Variants in KLF12 observed in about 807,000 individuals in gnomAD.
KLF12 encodes Krueppel-like factor 12.
In KLF12, 9 loss-of-function variants were observed where a neutral mutation model predicts 37.8. The observed-to-expected ratio is 0.24, with a 90% CI of 0.14 to 0.42. The LOEUF (loss-of-function observed/expected upper bound fraction) is 0.42. Among genes scored for constraint, KLF12 ranks in the 10% least tolerant of loss-of-function variants. The pLI is 1.00. For synonymous variants in KLF12, 208 were observed against 202.1 expected, an observed-to-expected ratio of 1.03 and a Z score of -0.25; for missense variants, 411 against 516.0, an observed-to-expected ratio of 0.80 and a Z score of 1.97.
chr13:74,039,964 C>T (rs1893358019), intron 1 of KLF12, among the ~76,000 whole-genome samples: 1 of 152,208 alleles, frequency 6.6e-6, no homozygotes, highest in African/African-American at 2.4e-5. Flanking sequence ...CGAACACCAA[C>T]TCATGGATGT....
chr13:74,238,548 C>T, the KLF12 span, among the ~76,000 whole-genome samples: 19 of 135,378 alleles, frequency 1.4e-4, no homozygotes, highest in African/African-American at 6.3e-4. Flanking sequence ...TGGTAGAATT[C>T]GGCTGTGAAT....
chr13:74,216,258 A>C, the KLF12 span, among the ~76,000 whole-genome samples: 11 of 152,068 alleles, frequency 7.2e-5, no homozygotes, highest in East Asian at 1.9e-4. Flanking sequence ...TTAAATACCC[A>C]CACACACACA....
In KLF12 at chr13:73,939,368, ATT is replaced by A. The variant is rs375549916; in HGVS notation, c.123+4611_123+4612del. On this transcript the variant is annotated intron_variant, in intron 3 of 7. Transcript: ENST00000377669. ...TACACAAAATTAGGCAGAATAAACT[ATT>A]TTCATTTTTTTGGTTCCATGATTCT... Among the ~76,000 whole-genome samples the A allele has an allele frequency of 1.2e-4, 18 of 152,190 alleles. No individual in the cohort carries two copies. In the East Asian group the frequency reaches 3.3e-3, roughly 28 times the overall value.
intron 5 of KLF12, among the ~76,000 whole-genome samples, chr13:73,805,276 C>T (rs1431470351): frequency 1.3e-5 from 2 of 151,904 alleles, no homozygotes; most frequent in African/African-American, 4.8e-5. Flanking sequence ...ATAATTATTT[C>T]TCCCTAAACC....
intron 3 of KLF12, among the ~76,000 whole-genome samples, chr13:73,869,670 T>C (rs1832082013): frequency 1.3e-5 from 2 of 151,984 alleles, no homozygotes; most frequent in South Asian, 4.2e-4. Context: ...ATACTCAGCA[T>C]ATAACATAGT....
the KLF12 span, among the ~76,000 whole-genome samples, chr13:74,207,708 G>T: frequency 7.2e-5 from 11 of 151,912 alleles, no homozygotes; most frequent in African/African-American, 2.4e-4. Flanking sequence ...AAAAGTTTCA[G>T]GTCATGCAGC....
At chr13:73,880,701 T>C (rs2138946978) in intron 3 of KLF12, among the ~76,000 whole-genome samples, 1 of 152,336 alleles carries the variant, frequency 6.6e-6, no homozygotes, top group Non-Finnish European at 1.5e-5. Context: ...GATTTTTCTT[T>C]CACAGGTGCA....
At chr13:74,145,631 T>G in the KLF12 span, among the ~76,000 whole-genome samples, 1 of 152,178 alleles carries the variant, frequency 6.6e-6, no homozygotes, top group African/African-American at 2.4e-5. Context: ...ATAAAAATAT[T>G]TATATAATTT....
chr13:74,003,318 T>G (rs2138321844), intron 1 of KLF12, among the ~76,000 whole-genome samples: 1 of 152,246 alleles, frequency 6.6e-6, no homozygotes, highest in East Asian at 1.9e-4. Flanking sequence ...AGTCTGAATT[T>G]GAGAATAATC....
intron 3 of KLF12, among the ~76,000 whole-genome samples, chr13:73,849,879 G>A (rs1594167813): frequency 2.6e-5 from 4 of 152,212 alleles, no homozygotes; most frequent in Admixed American, 2.6e-4. Context: ...TGCTGTTGAT[G>A]TCCCTGGTAT....
At chr13:74,136,334 C>A (rs1052285912), upstream of KLF12, among the ~76,000 whole-genome samples, 24 of 152,282 alleles carry the variant, frequency 1.6e-4, no homozygotes, top group Admixed American at 1.1e-3. Context: ...CAGCCCCTTA[C>A]ACTCCACTAC....
At chr13:74,225,451 T>C in the KLF12 span, among the ~76,000 whole-genome samples, 1 of 152,192 alleles carries the variant, frequency 6.6e-6, no homozygotes, top group Non-Finnish European at 1.5e-5. Context: ...CCATGAGATT[T>C]ATTTCCTACC....
rs117966016 is a variant in KLF12 at position 73,841,884 on chromosome 13, T to C, written c.670+3943A>G. On this transcript the variant is annotated intron_variant, in intron 4 of 7. Transcript: ENST00000377669. ...CCTTGGGAGACGTTTCCTGACATCC[T>C]CCCTCTCATAGCTCAATTCTAAATT... 1.1e-3 allele frequency among the ~76,000 whole-genome samples: 168 copies of C among 152,268 alleles called. 1 individual carries two copies. The East Asian group carries it at 0.029, about 26-fold the overall frequency.
chr13:74,223,096 T>G, the KLF12 span, among the ~76,000 whole-genome samples: 1 of 152,220 alleles, frequency 6.6e-6, no homozygotes, highest in Non-Finnish European at 1.5e-5. Context: ...AACATCTGGA[T>G]CCTTTTTGTG....
At chr13:73,904,580 T>C (rs1888191018) in intron 3 of KLF12, among the ~76,000 whole-genome samples, 1 of 150,940 alleles carries the variant, frequency 6.6e-6, no homozygotes, top group Non-Finnish European at 1.5e-5. Flanking sequence ...TCAGAAATGT[T>C]AGCTATCTCT....
At chr13:74,255,012 T>C in the KLF12 span, among the ~76,000 whole-genome samples, 2 of 152,172 alleles carry the variant, frequency 1.3e-5, no homozygotes, top group East Asian at 3.8e-4. Flanking sequence ...ATTAGAAGAA[T>C]GTTGGAGAAA....
intron 3 of KLF12, among the ~76,000 whole-genome samples, chr13:73,875,670 AAAT>A (rs1310685930): frequency 6.6e-6 from 1 of 152,150 alleles, no homozygotes; most frequent in African/African-American, 2.4e-5. Flanking sequence ...TGCTTGACAA[AAAT>A]AATTGATAAA....
intron 2 of KLF12, among the ~76,000 whole-genome samples, chr13:73,949,410 C>T (rs1890563669): frequency 6.6e-6 from 1 of 152,160 alleles, no homozygotes; most frequent in African/African-American, 2.4e-5. Flanking sequence ...GGTTTCAAAG[C>T]TATTTCAAAG....
At position 73,959,002 on chromosome 13, in the gene KLF12, C is replaced by T. The variant is rs375532318; in HGVS notation, c.34-14932G>A. 9.9e-5 allele frequency among the ~76,000 whole-genome samples: 15 copies of T among 151,318 alleles called. No individual in the cohort carries two copies. The South Asian group carries it at 3.1e-3, about 32-fold the overall frequency. ...ATCTTTAGCACTGGCCTCTTTATCC[C>T]CGAAGATCCAGAACTATATTCCAAC... is the stretch of plus-strand genomic sequence containing the variant. On this transcript the variant is annotated intron_variant, in intron 2 of 7. Transcript: ENST00000377669.
Sources: gnomAD v4.1 joint callset for allele counts (sites outside exome capture counted in the v4.1 genomes callset) on GRCh38, gnomAD v4.1.1 for gene constraint, MANE v1.5 for transcripts, NCBI Gene and HGNC (gene_info 2026-07-23, HGNC 2026-07-21) for gene names.